The following CD276 variants were observed in gnomAD, a reference collection of about 807,000 sequenced individuals.
The protein encoded by CD276 is CD276 molecule.
A neutral mutation model predicts 50.0 loss-of-function variants in CD276; 34 were observed. The observed-to-expected ratio is 0.68, with a 90% CI of 0.52 to 0.91. The LOEUF (loss-of-function observed/expected upper bound fraction) is 0.91, where lower values mean the gene tolerates loss of function less well. Among genes scored for constraint, CD276 ranks in the 40% least tolerant of loss-of-function variants. CD276 has a pLI of 0.00. For synonymous variants in CD276, 275 were observed against 313.0 expected (o/e 0.88, Z 1.28); for missense variants, 634 against 717.5 (o/e 0.88, Z 1.33).
At chr15:73,703,588 G>C in intron 4 of CD276, 71 bp from the exon 5 acceptor site, 1 of 1,208,658 alleles carries the variant, frequency 8.3e-7, no homozygotes, top group Admixed American at 2.5e-5. Flanking sequence ...GGAAGAGTTT[G>C]GGGGACTCGG....
chr15:73,700,108 T>C (rs780791740), intron 2 of CD276, among the ~76,000 whole-genome samples: 5 of 152,072 alleles, frequency 3.3e-5, no homozygotes, highest in African/African-American at 1.2e-4. Flanking sequence ...TTGTATAAAA[T>C]AGCACACCTC....
chr15:73,711,501 T>C, intron 9 of CD276: 1 of 301,020 alleles, frequency 3.3e-6, no homozygotes, highest in Non-Finnish European at 6.3e-6. Flanking sequence ...CTTCAAGCTT[T>C]CACTCCTAGG....
rs371810746 is a variant in CD276 at position 73,712,735 on chromosome 15, G to A, written c.1583-199G>A. 2.3e-3 allele frequency among the ~76,000 whole-genome samples: 357 copies of A among 152,314 alleles called. 1 individual carries two copies. The highest frequency in any genetic ancestry group is 3.5e-3 in the Non-Finnish European group (238 of 68,018). On this transcript the variant is annotated intron_variant, in intron 9 of 9. Transcript: ENST00000318443. ...GGTGGTCCCCCTCAGGTGCCCCGGCGTGCCTGGCACCTGCATCTGTGTCTG... is the reference window on the plus strand; with the variant it reads ...GGTGGTCCCCCTCAGGTGCCCCGGCATGCCTGGCACCTGCATCTGTGTCTG...
chr15:73,707,610 A>G (rs915481343), intron 6 of CD276, among the ~76,000 whole-genome samples: 5 of 152,208 alleles, frequency 3.3e-5, no homozygotes, highest in Admixed American at 6.5e-5. Flanking sequence ...AAATGTTTTT[A>G]GGCATCGTGG....
intron 8 of CD276, among the ~76,000 whole-genome samples, chr15:73,710,163 A>G (rs1339607418): frequency 6.6e-6 from 1 of 152,246 alleles, no homozygotes; most frequent in Admixed American, 6.5e-5. Flanking sequence ...TAATGTATAT[A>G]AAGGACCTAG....
intron 9 of CD276, 28 bp from the exon 10 acceptor site, chr15:73,712,905 CT>C (rs748442222): frequency 1.6e-5 from 26 of 1,609,976 alleles, no homozygotes; most frequent in Middle Eastern, 1.7e-4. Flanking sequence ...TTTCCCTTCC[CT>C]TTTTTTTCTT....
Position 73,695,883 on chromosome 15 carries a change from G to A in CD276, c.-54-3703G>A, listed in dbSNP as rs138537901. 7.9e-5 allele frequency among the ~76,000 whole-genome samples: 12 copies of A among 152,370 alleles called. No individual in the cohort carries two copies. The East Asian group carries it at 2.3e-3, about 29-fold the overall frequency. On this transcript the variant is annotated intron_variant, in intron 1 of 9. Coordinates refer to ENST00000318443, the MANE Select transcript of CD276 (RefSeq NM_001024736.2). ...GGATTGGGAGGAAGTAGGGGGTTAG[G>A]AGGAAGTGGAGTGATGTGGGTGATT...
chr15:73,691,871 A>G (rs1231250527), intron 1 of CD276, among the ~76,000 whole-genome samples: 1 of 152,108 alleles, frequency 6.6e-6, no homozygotes, highest in African/African-American at 2.4e-5. Flanking sequence ...TTTTAACTGT[A>G]TTTGTCTTCT....
At chr15:73,699,476 C>T in intron 1 of CD276, 110 bp from the exon 2 acceptor site, 1 of 1,399,760 alleles carries the variant, frequency 7.1e-7, no homozygotes, top group South Asian at 1.3e-5. Flanking sequence ...GAATGAGGAC[C>T]TCCCAGTGGG....
chr15:73,698,440 T>A (rs1300669977), intron 1 of CD276, among the ~76,000 whole-genome samples: 5 of 152,232 alleles, frequency 3.3e-5, no homozygotes, highest in Non-Finnish European at 7.3e-5. Flanking sequence ...CTGACTGCTC[T>A]TTCTCTCTAC....
intron 1 of CD276, among the ~76,000 whole-genome samples, chr15:73,689,402 C>T (rs1373417272): frequency 6.6e-6 from 1 of 152,014 alleles, no homozygotes; most frequent in Non-Finnish European, 1.5e-5. Context: ...GGTGGGATCA[C>T]GGGACTGGGG....
At chr15:73,709,488 G>T in intron 7 of CD276, 160 bp from the exon 8 acceptor site, 1 of 713,550 alleles carries the variant, frequency 1.4e-6, no homozygotes, top group Admixed American at 2.4e-5. Context: ...GCTCTGCTGT[G>T]CTCTGCTCTC....
chr15:73,706,919 C>T (rs1031624703), intron 6 of CD276, among the ~76,000 whole-genome samples: 2 of 152,118 alleles, frequency 1.3e-5, no homozygotes, highest in African/African-American at 4.8e-5. Flanking sequence ...CTGCCCCCTC[C>T]TCTGCTGTCA....
intron 1 of CD276, among the ~76,000 whole-genome samples, chr15:73,688,804 G>A (rs1047013508): frequency 2.6e-5 from 4 of 152,194 alleles, no homozygotes; most frequent in Non-Finnish European, 5.9e-5. Flanking sequence ...TAGATGGAGA[G>A]GGGTCGGCAG....
At chr15:73,706,370 G>C (rs796870479) in intron 6 of CD276, among the ~76,000 whole-genome samples, 11 of 152,316 alleles carry the variant, frequency 7.2e-5, no homozygotes, top group Admixed American at 2.6e-4. Flanking sequence ...TCACAGACTG[G>C]CACAGCGGCT....
intron 9 of CD276, chr15:73,712,246 C>T (rs1211413704): frequency 6.6e-6 from 1 of 152,390 alleles, no homozygotes; most frequent in Non-Finnish European, 1.5e-5. Flanking sequence ...CCTAACCCTG[C>T]TCCTTGGTGA....
At position 73,702,988 on chromosome 15, in the gene CD276, T is replaced by G. The variant is rs141481664; in HGVS notation, c.635T>G (p.Leu212Arg). 3.5e-5 allele frequency: 57 copies of G among 1,614,044 alleles called. No homozygotes were observed. Among genetic ancestry groups the G allele is most frequent in the Non-Finnish European group, 4.4e-5 (52 of 1,180,042 alleles). Residue 212 changes from leucine to arginine, a missense_variant, in exon 4 of 10, where the codon CTG (leucine) becomes CGG (arginine). By Grantham distance (102) the Leu-to-Arg change is moderately radical (BLOSUM62 -2). Coordinates refer to ENST00000318443, the MANE Select transcript of CD276 (RefSeq NM_001024736.2). ...GTGCACAGCATCCTGCGGGTGGTGC[T>G]GGGTGCAAATGGCACCTACAGCTGC... ...FDVHSILRVV[L>R]GANGTYSCLV...
At position 73,714,185 on chromosome 15, in the gene CD276, G is replaced by C. The variant is rs1382093466; in HGVS notation, c.*1229G>C. ...TGTCCAGGTGTGGGCAGGTGGGCAG[G>C]CACCAAGGCCCTCTGGACCTTTCAT... On this transcript the variant is annotated 3_prime_UTR_variant, in exon 10 of 10. Transcript: ENST00000318443. The C allele has an allele frequency of 2.4e-5, 6 of 252,456 alleles. No individual in the cohort carries two copies. Among genetic ancestry groups the C allele is most frequent in the Non-Finnish European group, 4.5e-5 (6 of 131,904 alleles). The allele number at this position is 252,456 out of a possible 1,614,324, so 15.6% of individuals were successfully genotyped here. A position where few individuals can be genotyped will look rare whatever the true frequency, so the allele number is the denominator to read the frequency against.
In CD276 at chr15:73,704,143, C is replaced by G; in HGVS notation, c.1073-33C>G. On this transcript the variant is annotated intron_variant, in intron 5 of 9. Transcript: ENST00000318443. The surrounding 1 kb of genome is among the most constrained non-coding windows in gnomAD (Gnocchi z 4.1). ...ATCCTTTTCCTCCCCTGCCATTGCC[C>G]TGCCCTTGACCCCTGCCCTCTGTCA... is the stretch of plus-strand genomic sequence containing the variant. 1 of 1,597,898 alleles carries G rather than the reference C, an allele frequency of 6.3e-7. No homozygotes were observed. The highest frequency in any genetic ancestry group is 8.5e-7 in the Non-Finnish European group (1 of 1,171,036).
Sources: allele counts gnomAD v4.1 joint callset (sites outside exome capture counted in the v4.1 genomes callset), GRCh38; gene constraint gnomAD v4.1.1; non-coding constraint Gnocchi (gnomAD v3.1); transcripts MANE v1.5; gene names NCBI Gene and HGNC (gene_info 2026-07-23, HGNC 2026-07-21).